Variants in TGFBR3 observed in about 807,000 individuals in gnomAD.
The protein encoded by TGFBR3 is transforming growth factor beta receptor 3.
In TGFBR3, 46 loss-of-function variants were observed where a neutral mutation model predicts 87.9. The observed-to-expected ratio is 0.52, with a 90% CI of 0.41 to 0.67. The LOEUF is 0.67. TGFBR3 is among the 30% of genes least tolerant of loss of function. TGFBR3 has a pLI of 0.00. For synonymous variants in TGFBR3, 381 were observed against 391.6 expected (o/e 0.97, Z 0.32); for missense variants, 866 against 1,041.9 (o/e 0.83, Z 2.32).
chr1:91,889,885 C>G (rs115210077), upstream of TGFBR3, among the ~76,000 whole-genome samples: 495 of 151,824 alleles, frequency 3.3e-3, 4 homozygotes, highest in African/African-American at 0.011. Context: ...TTTGCCATAA[C>G]TCCTGACCTC....
chr1:91,880,530 G>C (rs1036165273), intron 1 of TGFBR3, among the ~76,000 whole-genome samples: 1 of 151,998 alleles, frequency 6.6e-6, no homozygotes, highest in Non-Finnish European at 1.5e-5. Context: ...CCAGGGAGGC[G>C]GAGCTTGCAG....
At chr1:91,688,943 C>G (rs952023348) in intron 16 of TGFBR3, among the ~76,000 whole-genome samples, 1 of 152,100 alleles carries the variant, frequency 6.6e-6, no homozygotes, top group Non-Finnish European at 1.5e-5. Context: ...CAGACAGATG[C>G]AGCTGGAACA....
chr1:91,697,326 C>T (rs1238835046), intron 15 of TGFBR3, among the ~76,000 whole-genome samples: 1 of 152,206 alleles, frequency 6.6e-6, no homozygotes, highest in Non-Finnish European at 1.5e-5. Flanking sequence ...GTGAAAGGAA[C>T]TTTCCAGACT....
At chr1:91,715,653 A>G (rs193008996) in intron 12 of TGFBR3, among the ~76,000 whole-genome samples, 2 of 152,332 alleles carry the variant, frequency 1.3e-5, no homozygotes, top group East Asian at 3.8e-4. Flanking sequence ...GATTATTAAC[A>G]TTATATATAG....
At chr1:91,790,746 A>T (rs1383561680) in intron 3 of TGFBR3, among the ~76,000 whole-genome samples, 2 of 152,240 alleles carry the variant, frequency 1.3e-5, no homozygotes, top group Non-Finnish European at 2.9e-5. Context: ...GGACTGCATT[A>T]GGAAGTCATT....
intron 1 of TGFBR3, chr1:91,866,879 G>A (rs1179288421): frequency 2.0e-5 from 3 of 152,254 alleles, no homozygotes; most frequent in Non-Finnish European, 4.4e-5. Flanking sequence ...GTTCAAGGAG[G>A]GGTTTAAACA....
At chr1:91,832,428 A>C (rs1264885416) in intron 2 of TGFBR3, among the ~76,000 whole-genome samples, 2 of 152,204 alleles carry the variant, frequency 1.3e-5, no homozygotes, top group African/African-American at 4.8e-5. Context: ...TAACATTATT[A>C]TCTATGGAGT....
At chr1:91,771,154 G>A (rs1674364008) in intron 3 of TGFBR3, among the ~76,000 whole-genome samples, 1 of 152,232 alleles carries the variant, frequency 6.6e-6, no homozygotes, top group South Asian at 2.1e-4. Flanking sequence ...GTTAATAAGC[G>A]TGAAGTTACT....
intron 2 of TGFBR3, among the ~76,000 whole-genome samples, chr1:91,835,705 G>A (rs1677034737): frequency 1.3e-5 from 2 of 151,758 alleles, no homozygotes; most frequent in African/African-American, 2.4e-5. Context: ...GCGGATGCCT[G>A]TAGTCCCAGC....
At chr1:91,845,860 C>T (rs1328740972) in intron 2 of TGFBR3, among the ~76,000 whole-genome samples, 1 of 152,180 alleles carries the variant, frequency 6.6e-6, no homozygotes, top group African/African-American at 2.4e-5. Context: ...CTGATCCTGG[C>T]TCCTTTGAAC....
At chr1:91,818,520 T>C (rs903563264) in intron 2 of TGFBR3, among the ~76,000 whole-genome samples, 1 of 152,158 alleles carries the variant, frequency 6.6e-6, no homozygotes, top group African/African-American at 2.4e-5. Context: ...CATAGAGGTG[T>C]GATTCAATTG....
chr1:91,839,637 T>C (rs984773169), intron 2 of TGFBR3, among the ~76,000 whole-genome samples: 1 of 152,140 alleles, frequency 6.6e-6, no homozygotes, highest in Non-Finnish European at 1.5e-5. Flanking sequence ...AATGTAATCC[T>C]GAGAGAATGT....
chr1:91,905,405 C>T (rs1679824411), intron 1 of TGFBR3, among the ~76,000 whole-genome samples: 1 of 152,130 alleles, frequency 6.6e-6, no homozygotes, highest in Admixed American at 6.6e-5. Flanking sequence ...TTCTATTACT[C>T]ACAACCGTTG....
intron 16 of TGFBR3, among the ~76,000 whole-genome samples, chr1:91,694,332 A>G (rs940809269): frequency 6.6e-6 from 1 of 152,246 alleles, no homozygotes; most frequent in Non-Finnish European, 1.5e-5. Context: ...ACTAGGAACA[A>G]GCATTTGAGG....
intron 4 of TGFBR3, among the ~76,000 whole-genome samples, chr1:91,744,289 T>C (rs1673257750): frequency 6.6e-6 from 1 of 152,216 alleles, no homozygotes; most frequent in Non-Finnish European, 1.5e-5. Context: ...TTTCACCATG[T>C]TGGGCAGGCT....
At position 91,720,105 on chromosome 1, in the gene TGFBR3, G is replaced by A. The variant is rs1672312218; in HGVS notation, c.1201C>T (p.Leu401Phe). Residue 401 changes from leucine (L) to phenylalanine (F), a missense_variant, in exon 9 of 17, where the codon CTT (leucine) becomes TTT (phenylalanine). By Grantham distance (22) the Leu-to-Phe change is conservative. Transcript: ENST00000212355. ...IRGGEGQNGGLPFPFPDISRR... is the reference protein window; with the variant it reads ...IRGGEGQNGGFPFPFPDISRR... ...GAAATATCTGGGAAAGGAAACGGAA[G>A]GCCTCCATTTTGGCCTTCCCCTCCC... is the stretch of plus-strand genomic sequence containing the variant. The A allele has an allele frequency of 6.2e-7, 1 of 1,614,150 alleles. No individual in the cohort carries two copies. Among genetic ancestry groups the A allele is most frequent in the South Asian group, 1.1e-5 (1 of 91,074 alleles).
chr1:91,788,249 G>T (rs989206361), intron 3 of TGFBR3, among the ~76,000 whole-genome samples: 2 of 152,204 alleles, frequency 1.3e-5, no homozygotes, highest in Non-Finnish European at 2.9e-5. Context: ...TTAGGGCTAG[G>T]TGGACCCCAG....
At chr1:91,809,499 A>T (rs1480899192) in intron 2 of TGFBR3, among the ~76,000 whole-genome samples, 1 of 152,182 alleles carries the variant, frequency 6.6e-6, no homozygotes, top group East Asian at 1.9e-4. Context: ...GAGTTGAATC[A>T]TCGCCTATAA....
intron 2 of TGFBR3, among the ~76,000 whole-genome samples, chr1:91,855,028 C>T (rs2101161508): frequency 6.6e-6 from 1 of 152,296 alleles, no homozygotes; most frequent in South Asian, 2.1e-4. Flanking sequence ...TGTACCATTC[C>T]AGACCAAGTA....
Sources: gnomAD v4.1 joint callset for allele counts (sites outside exome capture counted in the v4.1 genomes callset) on GRCh38, gnomAD v4.1.1 for gene constraint, MANE v1.5 for transcripts, NCBI Gene and HGNC (gene_info 2026-07-23, HGNC 2026-07-21) for gene names.